The following LARP4B variants were observed in gnomAD, a reference collection of about 807,000 sequenced individuals.
The protein encoded by LARP4B is La ribonucleoprotein 4B.
LARP4B carries 12 observed loss-of-function variants against 89.8 expected under a neutral mutation model. That is an observed-to-expected ratio of 0.13 (90% CI 0.09 to 0.22). The LOEUF (loss-of-function observed/expected upper bound fraction) is 0.22. Among genes scored for constraint, LARP4B ranks in the 10% least tolerant of loss-of-function variants. The pLI is 1.00. For synonymous variants in LARP4B, 367 were observed against 363.3 expected, an observed-to-expected ratio of 1.01 and a Z score of -0.12; for missense variants, 757 against 947.7, an observed-to-expected ratio of 0.80 and a Z score of 2.64.
At chr10:816,879 G>A (rs933586803) in intron 15 of LARP4B, among the ~76,000 whole-genome samples, 3 of 152,116 alleles carry the variant, frequency 2.0e-5, no homozygotes, top group African/African-American at 4.8e-5. Context: ...TATCTACTGC[G>A]GGGCCTTCCC....
At position 821,579 on chromosome 10, in the gene LARP4B, T is replaced by C. The variant is rs564610673; in HGVS notation, c.1485-734A>G. Among the ~76,000 whole-genome samples the C allele has an allele frequency of 2.6e-5, 4 of 152,352 alleles. No individual in the cohort carries two copies. In the South Asian group the frequency reaches 8.3e-4, roughly 32 times the overall value. On this transcript the variant is annotated intron_variant, in intron 13 of 17. Coordinates refer to ENST00000316157, the MANE Select transcript of LARP4B (RefSeq NM_015155.3). ...AGGTTATGTGGTCTAACAAGTCACATGACACACATTCATCTCAATGGATAA... is the reference window on the plus strand; with the variant it reads ...AGGTTATGTGGTCTAACAAGTCACACGACACACATTCATCTCAATGGATAA...
chr10:842,819 C>T, intron 7 of LARP4B, 113 bp downstream of exon 7: 1 of 926,700 alleles, frequency 1.1e-6, no homozygotes. Flanking sequence ...AGAAAAGAAT[C>T]TGATTCGCCA....
At chr10:928,757 T>G (rs1032817768) in intron 1 of LARP4B, among the ~76,000 whole-genome samples, 5 of 152,080 alleles carry the variant, frequency 3.3e-5, no homozygotes, top group Non-Finnish European at 5.9e-5. Flanking sequence ...ATTTTTTGAT[T>G]TTTTGGTAGA....
intron 3 of LARP4B, among the ~76,000 whole-genome samples, chr10:870,384 T>C (rs990219518): frequency 3.9e-5 from 6 of 152,198 alleles, no homozygotes; most frequent in Non-Finnish European, 8.8e-5. Flanking sequence ...TGGCCACTAC[T>C]TGGTACAATC....
chr10:847,821 GC>G (rs552824512), intron 5 of LARP4B, among the ~76,000 whole-genome samples: 154 of 152,316 alleles, frequency 1.0e-3, no homozygotes, highest in Middle Eastern at 3.4e-3. Context: ...GAGCCACCGT[GC>G]CCAGCTTGAC....
At chr10:881,847 T>C (rs545757672) in intron 3 of LARP4B, among the ~76,000 whole-genome samples, 2 of 152,358 alleles carry the variant, frequency 1.3e-5, no homozygotes, top group South Asian at 2.1e-4. Context: ...TTAGGGCTCC[T>C]CGAAGACGTG....
intron 1 of LARP4B, among the ~76,000 whole-genome samples, chr10:891,724 C>T (rs1836028462): frequency 6.6e-6 from 1 of 152,168 alleles, no homozygotes; most frequent in Non-Finnish European, 1.5e-5. Flanking sequence ...ACTCTGCATC[C>T]TACCTATTAA....
In LARP4B at chr10:864,123, C is replaced by T. The variant is rs1361498648; in HGVS notation, c.289G>A (p.Gly97Arg). Residue 97 changes from glycine to arginine, a missense_variant and splice_region_variant, in exon 4 of 18, where the codon GGA becomes AGA. By Grantham distance (125) the Gly-to-Arg change is moderately radical. Around this residue, in one of 5 missense-constraint regions of LARP4B, gnomAD observed 175 missense variants for 187.0 expected, o/e 0.94. Transcript: ENST00000316157. ...AGHHADRGPQ[G>R]SDANGDGDQG... ...CACACCACGGCCATGCTCAACTTAC[C>T]CTGCGGGCCACGGTCTGCGTGGTGG... 1.2e-6 allele frequency: 2 copies of T among 1,614,172 alleles called. No individual in the cohort carries two copies. The highest frequency in any genetic ancestry group is 2.2e-5 in the South Asian group (2 of 91,078).
rs1422315251 is a variant in LARP4B, at chr10:931,417, G to A, written c.-40+11C>T. The A allele has an allele frequency of 2.7e-5, 4 of 147,644 alleles. No individual in the cohort carries two copies. The highest frequency in any genetic ancestry group is 3.9e-4 in the South Asian group (2 of 5,154). 9.1% of individuals were successfully genotyped at this position (147,644 alleles called of 1,614,324 possible). On this transcript the variant is annotated intron_variant, in intron 1 of 17. Coordinates refer to ENST00000316157, the MANE Select transcript of LARP4B (RefSeq NM_015155.3). Reference sequence around the variant, plus strand: ...GGGAGGGACGGCCCGCCGCGGCCCAGGGTGCCTCACCTGTCAGCGCCGCCG... The same window carrying A: ...GGGAGGGACGGCCCGCCGCGGCCCAAGGTGCCTCACCTGTCAGCGCCGCCG...
rs889680316 is a variant in LARP4B at position 822,474 on chromosome 10, C to G, written c.1485-1629G>C. ...AGACCTGCCTGCCATGGGGTCCTAT[C>G]CCAGTCACCATCAGTGGGCCCAGCC... On this transcript the variant is annotated intron_variant, in intron 13 of 17. Transcript: ENST00000316157. The surrounding 1 kb of genome is among the most constrained non-coding windows in gnomAD (Gnocchi z 4.6). 1.3e-5 allele frequency among the ~76,000 whole-genome samples: 2 copies of G among 152,214 alleles called. No individual in the cohort carries two copies. Among genetic ancestry groups the G allele is most frequent in the African/African-American group, 2.4e-5 (1 of 41,442 alleles).
At position 820,857 on chromosome 10, in the gene LARP4B, G is replaced by T; in HGVS notation, c.1485-12C>A. On this transcript the variant is annotated splice_polypyrimidine_tract_variant and intron_variant, in intron 13 of 17. Coordinates refer to ENST00000316157, the MANE Select transcript of LARP4B (RefSeq NM_015155.3). ...CAAAGGAATTCTTCCTAGAGGAGTG[G>T]AAAGTGAAAGACTGTTATTTTTTTC... The T allele has an allele frequency of 1.2e-6, 2 of 1,612,036 alleles. No homozygotes were observed. Among genetic ancestry groups the T allele is most frequent in the Non-Finnish European group, 1.7e-6 (2 of 1,179,180 alleles).
chr10:835,469 C>T lies in LARP4B; in HGVS notation c.750+934G>A, dbSNP rs925449341. Among the ~76,000 whole-genome samples the T allele has an allele frequency of 2.6e-5, 4 of 152,108 alleles. No individual in the cohort carries two copies. The South Asian group carries it at 6.2e-4, about 24-fold the overall frequency. ...CCCAGGCTTCCTGTGTTCTGCGAGT[C>T]CCCAAAGCAGGCAGATTCCGTTTTC... On this transcript the variant is annotated intron_variant, in intron 8 of 17. Transcript: ENST00000316157.
intron 2 of LARP4B, among the ~76,000 whole-genome samples, 161 bp downstream of exon 2, chr10:885,480 G>A (rs1308037422): frequency 6.6e-6 from 1 of 152,168 alleles, no homozygotes; most frequent in Non-Finnish European, 1.5e-5. Flanking sequence ...ATGATCCTCA[G>A]ATGGGTAAGA....
At chr10:939,030 C>T in the LARP4B span, among the ~76,000 whole-genome samples, 5,081 of 152,270 alleles carry the variant, frequency 0.033, 288 homozygotes, top group African/African-American at 0.11. Flanking sequence ...TCCCTGCTTT[C>T]GCATGTTTTA....
the LARP4B span, among the ~76,000 whole-genome samples, chr10:950,320 T>G: frequency 3.4e-3 from 511 of 152,362 alleles, 1 homozygote; most frequent in African/African-American, 0.012. Flanking sequence ...ATCATGCTGG[T>G]AAGAAATCAT....
At chr10:947,961 GGCTGAAAACTTACCAC>G in the LARP4B span, among the ~76,000 whole-genome samples, 4 of 152,042 alleles carry the variant, frequency 2.6e-5, no homozygotes, top group African/African-American at 4.8e-5. Flanking sequence ...AAACAAAAGT[GGCTGAAAACTTACCAC>G]GCTGAAACTG....
chr10:899,516 T>A (rs1165359727), intron 1 of LARP4B, among the ~76,000 whole-genome samples: 2 of 152,196 alleles, frequency 1.3e-5, no homozygotes, highest in African/African-American at 2.4e-5. Flanking sequence ...GAAATACATA[T>A]CCCACCAATG....
At chr10:936,972 T>C in the LARP4B span, among the ~76,000 whole-genome samples, 1 of 152,174 alleles carries the variant, frequency 6.6e-6, no homozygotes, top group African/African-American at 2.4e-5. Flanking sequence ...TAAAAAATAG[T>C]AGCATTGAGG....
upstream of LARP4B, among the ~76,000 whole-genome samples, chr10:934,832 C>A (rs960372224): frequency 4.6e-5 from 7 of 152,228 alleles, no homozygotes; most frequent in Non-Finnish European, 1.5e-5. Flanking sequence ...CCCCGTCCCC[C>A]CAGTGGTTTT....
Sources: allele counts gnomAD v4.1 joint callset (sites outside exome capture counted in the v4.1 genomes callset), GRCh38; gene constraint gnomAD v4.1.1; regional missense constraint gnomAD v4.1.1; non-coding constraint Gnocchi (gnomAD v3.1); transcripts MANE v1.5; gene names NCBI Gene and HGNC (gene_info 2026-07-23, HGNC 2026-07-21).